STIM2: variants seen among roughly 807,000 people sequenced by gnomAD.
STIM2 encodes the protein stromal interaction molecule 2.
STIM2 carries 31 observed loss-of-function variants against 85.8 expected under a neutral mutation model. The observed-to-expected ratio is 0.36, with a 90% confidence interval of 0.27 to 0.49. STIM2 has a LOEUF of 0.49. STIM2 is among the 20% of genes least tolerant of loss of function. The probability of loss-of-function intolerance (pLI) is 0.98; values close to 1 mark genes in which losing one functional copy is unlikely to be tolerated. For missense variants in STIM2, 841 were observed against 927.6 expected (o/e 0.91, Z 1.21); for synonymous variants, 356 against 331.1 (o/e 1.08, Z -0.82).
intron 11 of STIM2, chr4:27,019,587 T>C (rs2109146959): frequency 1.5e-5 from 14 of 944,498 alleles, no homozygotes; most frequent in Middle Eastern, 2.6e-4. Context: ...AGAGAATGAT[T>C]TGAATTTGGA....
chr4:26,936,291 C>T (rs1725389445), intron 2 of STIM2, among the ~76,000 whole-genome samples: 2 of 152,158 alleles, frequency 1.3e-5, no homozygotes, highest in Admixed American at 1.3e-4. Context: ...TCTTCTCTGT[C>T]TCTTGCTTTT....
At chr4:26,862,448 C>A (rs1415195577) in intron 1 of STIM2, among the ~76,000 whole-genome samples, 1 of 151,768 alleles carries the variant, frequency 6.6e-6, no homozygotes, top group African/African-American at 2.4e-5. Context: ...AAATGATAGT[C>A]CTGCGGGCGT....
At chr4:26,896,495 C>T (rs572121440) in intron 1 of STIM2, among the ~76,000 whole-genome samples, 41 of 152,270 alleles carry the variant, frequency 2.7e-4, no homozygotes, top group East Asian at 7.7e-4. Flanking sequence ...ATGAAAATTT[C>T]GTATCTTCAT....
Position 26,876,711 on chromosome 4 carries a change from T to C in STIM2, c.151+15342T>C, listed in dbSNP as rs147758584. Reference sequence around the variant, plus strand: ...CAAAGCAGTATAGTCAATGTCTTCATTGGTTTAGTGGCTTTTGGCAGAAAA... The same window carrying C: ...CAAAGCAGTATAGTCAATGTCTTCACTGGTTTAGTGGCTTTTGGCAGAAAA... On this transcript the variant is annotated intron_variant, in intron 1 of 11. Coordinates refer to ENST00000467087, the MANE Select transcript of STIM2 (RefSeq NM_020860.4). Among the ~76,000 whole-genome samples the C allele has an allele frequency of 9.4e-4, 143 of 152,280 alleles. 1 individual carries two copies. In the East Asian group the frequency reaches 0.022, roughly 24 times the overall value.
At chr4:26,964,873 A>G (rs188895180) in intron 3 of STIM2, among the ~76,000 whole-genome samples, 44 of 152,274 alleles carry the variant, frequency 2.9e-4, no homozygotes, top group African/African-American at 1.0e-3. Context: ...CCATCCACCT[A>G]CAGAAGTTAA....
At chr4:27,015,057 A>C (rs1728689143) in intron 10 of STIM2, among the ~76,000 whole-genome samples, 2 of 151,984 alleles carry the variant, frequency 1.3e-5, no homozygotes, top group Non-Finnish European at 2.9e-5. Context: ...GACACTAGAT[A>C]TATCTCTATA....
At position 26,907,386 on chromosome 4, in the gene STIM2, T is replaced by C. The variant is rs2109056829; in HGVS notation, c.152-12118T>C. Among the ~76,000 whole-genome samples the C allele has an allele frequency of 2.0e-5, 3 of 152,308 alleles. No homozygotes were observed. In the South Asian group the frequency reaches 6.2e-4, roughly 32 times the overall value. On this transcript the variant is annotated intron_variant, in intron 1 of 11. Transcript: ENST00000467087. ...TGATCTTAGAGTTAGCTGTCACTTC[T>C]CTCTTAAACTATTAAACAGATGCTT...
chr4:26,934,759 C>T (rs914250074), intron 2 of STIM2, among the ~76,000 whole-genome samples: 1 of 151,750 alleles, frequency 6.6e-6, no homozygotes, highest in Non-Finnish European at 1.5e-5. Flanking sequence ...ACACAAAATA[C>T]AAAATTAGAT....
chr4:27,015,253 T>A (rs1343818554), intron 10 of STIM2, among the ~76,000 whole-genome samples: 3 of 152,042 alleles, frequency 2.0e-5, no homozygotes, highest in East Asian at 1.9e-4. Flanking sequence ...CAATTCAGGA[T>A]CTTCAGAGGC....
chr4:26,861,453 A>G (rs1722187770), intron 1 of STIM2, 84 bp downstream of exon 1: 1 of 1,237,176 alleles, frequency 8.1e-7, no homozygotes, highest in Non-Finnish European at 1.0e-6. Context: ...TCTCCGCCGG[A>G]CGTCCGCTAT....
At chr4:26,998,352 T>A (rs1248596825) in intron 4 of STIM2, among the ~76,000 whole-genome samples, 2 of 152,174 alleles carry the variant, frequency 1.3e-5, no homozygotes, top group African/African-American at 4.8e-5. Context: ...ATTATATAAA[T>A]TCCTCTACCT....
intron 1 of STIM2, among the ~76,000 whole-genome samples, chr4:26,918,760 A>G (rs1724687236): frequency 6.6e-6 from 1 of 152,196 alleles, no homozygotes; most frequent in Admixed American, 6.6e-5. Context: ...TAAGCCATTG[A>G]AAAATGTTTC....
At chr4:26,939,156 G>T (rs933448194) in intron 2 of STIM2, among the ~76,000 whole-genome samples, 1 of 152,056 alleles carries the variant, frequency 6.6e-6, no homozygotes, top group Non-Finnish European at 1.5e-5. Flanking sequence ...GCTTGCTTTA[G>T]TACTTTTTCC....
chr4:27,022,863 A>C lies in STIM2; in HGVS notation c.2108A>C (p.Asn703Thr), dbSNP rs1443861055. The C allele has an allele frequency of 6.2e-7, 1 of 1,614,230 alleles. No individual in the cohort carries two copies. Among genetic ancestry groups the C allele is most frequent in the South Asian group, 1.1e-5 (1 of 91,088 alleles). Reference sequence around the variant, plus strand: ...CACACATCATGTTCCTCAGCTGGCAACGACAGTAAACCAGTTCAGGAAGCC... The same window carrying C: ...CACACATCATGTTCCTCAGCTGGCACCGACAGTAAACCAGTTCAGGAAGCC... The change falls in exon 12 of 12, where the codon AAC becomes ACC. Residue 703 changes from asparagine to threonine, a missense_variant. By Grantham distance (65) the Asn-to-Thr change is moderately conservative (BLOSUM62 0). This residue lies in a region of STIM2 where 293 missense variants were observed against 284.5 expected (regional missense o/e 1.03). Coordinates refer to ENST00000467087, the MANE Select transcript of STIM2 (RefSeq NM_020860.4).
At chr4:26,930,672 T>G (rs888535180) in intron 2 of STIM2, among the ~76,000 whole-genome samples, 1 of 152,050 alleles carries the variant, frequency 6.6e-6, no homozygotes, top group Non-Finnish European at 1.5e-5. Context: ...CTGTGGAGAG[T>G]CACTTAAGAA....
intron 1 of STIM2, among the ~76,000 whole-genome samples, chr4:26,903,167 T>C (rs1486838347): frequency 1.3e-5 from 2 of 152,176 alleles, no homozygotes; most frequent in Non-Finnish European, 2.9e-5. Flanking sequence ...AGCCTTAGTT[T>C]AGACTTTTAT....
rs373036783 is a variant in STIM2, at chr4:27,002,182, A to G, written c.626-35A>G. ...TTGTATTGAGGTCCTGTCATACTCA[A>G]AGATTAATTTAATCATCTGTAATTC... On this transcript the variant is annotated intron_variant, in intron 5 of 11. Coordinates refer to ENST00000467087, the MANE Select transcript of STIM2 (RefSeq NM_020860.4). The G allele has an allele frequency of 5.2e-6, 8 of 1,547,076 alleles. No homozygotes were observed. In the African/African-American group the frequency reaches 8.4e-5, roughly 16 times the overall value.
intron 1 of STIM2, among the ~76,000 whole-genome samples, chr4:26,887,511 T>G (rs1468456191): frequency 1.3e-5 from 2 of 152,190 alleles, no homozygotes; most frequent in African/African-American, 4.8e-5. Flanking sequence ...CCTGAACAAC[T>G]TTTCCATTAG....
At chr4:27,002,786 C>G in intron 6 of STIM2, 141 bp from the exon 7 acceptor site, 1 of 820,222 alleles carries the variant, frequency 1.2e-6, no homozygotes, top group Non-Finnish European at 1.7e-6. Flanking sequence ...TTTGTATTAA[C>G]CAAACTTAAG....
Sources: gnomAD v4.1 joint callset for allele counts (sites outside exome capture counted in the v4.1 genomes callset) on GRCh38, gnomAD v4.1.1 for gene constraint, gnomAD v4.1.1 regional missense constraint, MANE v1.5 for transcripts, NCBI Gene and HGNC (gene_info 2026-07-23, HGNC 2026-07-21) for gene names.